Variants in CIMIP1 observed in about 807,000 individuals in gnomAD.
The protein encoded by CIMIP1 is ciliary microtubule inner protein 1.
chr20:58,151,425 G>GTTT, the CIMIP1 span, among the ~76,000 whole-genome samples: 9 of 151,146 alleles, frequency 6.0e-5, no homozygotes, highest in Non-Finnish European at 8.8e-5. Context: ...TTGTTTGTTT[G>GTTT]TTTTTTGAGA....
chr20:58,152,208 A>G, the CIMIP1 span, among the ~76,000 whole-genome samples: 2 of 152,122 alleles, frequency 1.3e-5, no homozygotes, highest in Admixed American at 6.5e-5. Flanking sequence ...AAGTGTCCCA[A>G]TAGGAGATGC....
the CIMIP1 span, chr20:58,160,577 T>C: frequency 6.9e-7 from 1 of 1,441,366 alleles, no homozygotes; most frequent in Non-Finnish European, 9.3e-7. Flanking sequence ...TTCTGTCTTT[T>C]CCACCCCTGC....
chr20:58,153,305 T>C, the CIMIP1 span, among the ~76,000 whole-genome samples: 3 of 152,158 alleles, frequency 2.0e-5, no homozygotes, highest in East Asian at 3.9e-4. Context: ...AGACTGGCCC[T>C]TACCCGGCAT....
At chr20:58,151,040 C>A in the CIMIP1 span, 1 of 1,601,868 alleles carries the variant, frequency 6.2e-7, no homozygotes, top group Non-Finnish European at 8.5e-7. Flanking sequence ...CTGGTAACGC[C>A]TGGGATCGGG....
the CIMIP1 span, among the ~76,000 whole-genome samples, chr20:58,154,297 G>A: frequency 3.9e-5 from 6 of 152,232 alleles, no homozygotes; most frequent in Non-Finnish European, 7.3e-5. Context: ...GCCCAGCCAA[G>A]TGAAACCATA....
the CIMIP1 span, among the ~76,000 whole-genome samples, chr20:58,151,338 TG>T: frequency 6.6e-6 from 1 of 151,978 alleles, no homozygotes; most frequent in East Asian, 1.9e-4. Context: ...AACATGTTCA[TG>T]TTTTTTTTTT....
the CIMIP1 span, among the ~76,000 whole-genome samples, chr20:58,152,123 A>G: frequency 6.6e-6 from 1 of 152,236 alleles, no homozygotes; most frequent in African/African-American, 2.4e-5. Context: ...GGAAAACTTC[A>G]TATCACTCTC....
the CIMIP1 span, among the ~76,000 whole-genome samples, chr20:58,159,896 T>A: frequency 2.6e-5 from 4 of 152,298 alleles, no homozygotes; most frequent in South Asian, 8.3e-4. Flanking sequence ...GCCAGCCCAC[T>A]CGGGACCATC....
chr20:58,150,908 C>T, the CIMIP1 span: 1 of 1,530,356 alleles, frequency 6.5e-7, no homozygotes, highest in Non-Finnish European at 8.9e-7. Flanking sequence ...TCCCAGGAGA[C>T]GCGAGACGCT....
chr20:58,157,932 C>A, the CIMIP1 span, among the ~76,000 whole-genome samples: 1 of 152,164 alleles, frequency 6.6e-6, no homozygotes, highest in Non-Finnish European at 1.5e-5. Context: ...CCTCCACCTG[C>A]CTCCATCCCA....
chr20:58,153,817 G>A, the CIMIP1 span, among the ~76,000 whole-genome samples: 1 of 152,332 alleles, frequency 6.6e-6, no homozygotes, highest in East Asian at 1.9e-4. Context: ...CATGTTCTAG[G>A]TGCTTCGGCA....
chr20:58,155,526 G>A, the CIMIP1 span: 118 of 1,614,038 alleles, frequency 7.3e-5, no homozygotes, highest in South Asian at 2.5e-4. Flanking sequence ...CTTCCTGAGC[G>A]TTTCCGCATC....
the CIMIP1 span, among the ~76,000 whole-genome samples, chr20:58,159,361 C>A: frequency 1.3e-5 from 2 of 151,660 alleles, no homozygotes; most frequent in South Asian, 4.2e-4. Context: ...ACTAAAAATA[C>A]AAAAATTAGC....
chr20:58,160,117 C>G, the CIMIP1 span, among the ~76,000 whole-genome samples: 1 of 152,232 alleles, frequency 6.6e-6, no homozygotes, highest in Non-Finnish European at 1.5e-5. Context: ...AATGTCAAAT[C>G]TGTCCAAGGA....
At chr20:58,157,788 T>G in the CIMIP1 span, among the ~76,000 whole-genome samples, 6 of 152,256 alleles carry the variant, frequency 3.9e-5, no homozygotes, top group Non-Finnish European at 7.3e-5. Context: ...ATTGTTCAGA[T>G]GAAATGCACA....
At chr20:58,156,668 G>A in the CIMIP1 span, among the ~76,000 whole-genome samples, 1 of 152,192 alleles carries the variant, frequency 6.6e-6, no homozygotes, top group Non-Finnish European at 1.5e-5. Context: ...GCCAAACCCA[G>A]AGAAAAGAGG....
At chr20:58,150,955 C>A in the CIMIP1 span, 2 of 1,600,592 alleles carry the variant, frequency 1.2e-6, no homozygotes, top group Admixed American at 1.7e-5. Context: ...GCACAGAGCC[C>A]CCAGGCCTCA....
chr20:58,151,052 A>G, the CIMIP1 span: 1 of 1,585,736 alleles, frequency 6.3e-7, no homozygotes, highest in South Asian at 1.2e-5. Context: ...GGGATCGGGC[A>G]ACGCGGTGGG....
chr20:58,152,314 T>C, the CIMIP1 span, among the ~76,000 whole-genome samples: 1 of 152,178 alleles, frequency 6.6e-6, no homozygotes, highest in Non-Finnish European at 1.5e-5. Flanking sequence ...CAAATCTAAG[T>C]GACCCCTCCT....
Sources: gnomAD v4.1 joint callset for allele counts (sites outside exome capture counted in the v4.1 genomes callset) on GRCh38, gnomAD v4.1.1 for gene constraint, MANE v1.5 for transcripts, NCBI Gene and HGNC (gene_info 2026-07-23, HGNC 2026-07-21) for gene names.